ALCAM: variants seen among roughly 807,000 people sequenced by gnomAD.
ALCAM encodes the protein CD166 antigen.
A neutral mutation model predicts 70.9 loss-of-function variants in ALCAM; 30 were observed. That is an observed-to-expected ratio of 0.42 (90% confidence interval 0.32 to 0.57). The LOEUF is 0.57. Ranked by LOEUF, ALCAM falls within the 20% of genes least tolerant of loss-of-function variation. ALCAM has a pLI of 0.11. For missense variants in ALCAM, 591 were observed against 695.1 expected (o/e 0.85, Z 1.68); for synonymous variants, 249 against 242.5 (o/e 1.03, Z -0.25).
chr3:105,552,644 T>C, intron 14 of ALCAM, 59 bp downstream of exon 14: 2 of 1,608,482 alleles, frequency 1.2e-6, no homozygotes, highest in Non-Finnish European at 8.5e-7. Flanking sequence ...GAAAATACAA[T>C]GTGCTAATTT....
At chr3:105,420,274 G>A (rs1936614730) in intron 1 of ALCAM, among the ~76,000 whole-genome samples, 1 of 151,214 alleles carries the variant, frequency 6.6e-6, no homozygotes, top group Non-Finnish European at 1.5e-5. Flanking sequence ...TTAAAAAAAT[G>A]GTCTTCTCAG....
At chr3:105,463,531 T>G (rs1479433269) in intron 1 of ALCAM, among the ~76,000 whole-genome samples, 1 of 151,494 alleles carries the variant, frequency 6.6e-6, no homozygotes, top group African/African-American at 2.4e-5. Context: ...AAAACTTTCT[T>G]GTTAAATTTT....
Position 105,576,813 on chromosome 3 carries a change from C to T in ALCAM, c.*2362C>T, listed in dbSNP as rs886126490. ...GGTTTTGCAAGTTCAAGGTTCACTC[C>T]CTATATGTGATTATAGGAATTGTTT... On this transcript the variant is annotated 3_prime_UTR_variant, in exon 16 of 16. Transcript: ENST00000306107. 6.6e-6 allele frequency: 1 copy of T among 152,114 alleles called. No homozygotes were observed. The highest frequency in any genetic ancestry group is 2.4e-5 in the African/African-American group (1 of 41,426). 9.4% of individuals were successfully genotyped at this position (152,114 alleles called of 1,614,324 possible).
chr3:105,499,662 G>A (rs537973304), intron 1 of ALCAM, among the ~76,000 whole-genome samples: 55 of 152,290 alleles, frequency 3.6e-4, no homozygotes, highest in African/African-American at 1.3e-3. Flanking sequence ...AGAGGTAGCT[G>A]TTTGATGTAA....
intron 1 of ALCAM, among the ~76,000 whole-genome samples, chr3:105,429,733 A>G (rs972012357): frequency 6.6e-6 from 1 of 152,004 alleles, no homozygotes; most frequent in Non-Finnish European, 1.5e-5. Context: ...TTAAAATAGT[A>G]TGCAACTATT....
At chr3:105,372,409 A>G (rs978479108) in intron 1 of ALCAM, among the ~76,000 whole-genome samples, 1 of 152,076 alleles carries the variant, frequency 6.6e-6, no homozygotes, top group Admixed American at 6.6e-5. Flanking sequence ...GCCTAGTTCC[A>G]AATGTGGTAT....
At chr3:105,436,516 A>G in intron 1 of ALCAM, among the ~76,000 whole-genome samples, 1 of 151,840 alleles carries the variant, frequency 6.6e-6, no homozygotes, top group East Asian at 1.9e-4. Context: ...TTTAGTAGAG[A>G]TGGGGTTTCA....
chr3:105,535,922 T>C (rs998387147), intron 6 of ALCAM, among the ~76,000 whole-genome samples: 43 of 152,216 alleles, frequency 2.8e-4, no homozygotes, highest in African/African-American at 9.9e-4. Context: ...CAATATCTTA[T>C]ATGAGAACAA....
At chr3:105,371,770 G>A (rs1423553544) in intron 1 of ALCAM, among the ~76,000 whole-genome samples, 1 of 152,068 alleles carries the variant, frequency 6.6e-6, no homozygotes, top group African/African-American at 2.4e-5. Context: ...ATTCACTCAA[G>A]TAGACACATG....
At position 105,416,037 on chromosome 3, in the gene ALCAM, T is replaced by C. The variant is rs1936499446; in HGVS notation, c.73+48556T>C. Among the ~76,000 whole-genome samples the C allele has an allele frequency of 4.6e-5, 7 of 152,050 alleles. No homozygotes were observed. The South Asian group carries it at 1.0e-3, about 22-fold the overall frequency. On this transcript the variant is annotated intron_variant, in intron 1 of 15. Coordinates refer to ENST00000306107, the MANE Select transcript of ALCAM (RefSeq NM_001627.4). The stretch of plus-strand genomic sequence containing the variant: ...TGCTGGATAAAGCTCTTTGGGGCAG[T>C]CTTGCAACTCTCTCCTTGTCCCCAA...
chr3:105,535,272 A>G (rs1939941029), intron 6 of ALCAM, among the ~76,000 whole-genome samples: 1 of 152,200 alleles, frequency 6.6e-6, no homozygotes, highest in African/African-American at 2.4e-5. Flanking sequence ...TTACTTAACT[A>G]AATTGTGTAT....
intron 3 of ALCAM, among the ~76,000 whole-genome samples, chr3:105,525,573 G>A (rs1211786533): frequency 2.0e-5 from 3 of 151,988 alleles, no homozygotes. Flanking sequence ...AAATAAATAG[G>A]GAAGAAGGAA....
rs116624376 is a variant in ALCAM, at chr3:105,486,647, T to A, written c.74-33420T>A. 8.9e-3 allele frequency among the ~76,000 whole-genome samples: 1,353 copies of A among 152,226 alleles called. 16 individuals are homozygous for A. Among genetic ancestry groups the A allele is most frequent in the African/African-American group, 0.015 (609 of 41,580 alleles). On this transcript the variant is annotated intron_variant, in intron 1 of 15. Coordinates refer to ENST00000306107, the MANE Select transcript of ALCAM (RefSeq NM_001627.4). ...ATGCATCCATTATAATTACACTGGTTTTTTACTATGTAATTTACCACAGAA... is the reference window on the plus strand; with the variant it reads ...ATGCATCCATTATAATTACACTGGTATTTTACTATGTAATTTACCACAGAA...
intron 1 of ALCAM, among the ~76,000 whole-genome samples, chr3:105,433,159 T>G (rs1936975027): frequency 6.6e-6 from 1 of 152,168 alleles, no homozygotes; most frequent in African/African-American, 2.4e-5. Context: ...AGAACTGTTC[T>G]TAGTTTAATT....
At chr3:105,404,780 A>C (rs1936179897) in intron 1 of ALCAM, among the ~76,000 whole-genome samples, 2 of 152,160 alleles carry the variant, frequency 1.3e-5, no homozygotes, top group Non-Finnish European at 2.9e-5. Context: ...TGCTCCACTT[A>C]AAAGATGCAG....
chr3:105,463,592 G>GGAT (rs920623185), intron 1 of ALCAM, among the ~76,000 whole-genome samples: 23 of 151,474 alleles, frequency 1.5e-4, no homozygotes, highest in African/African-American at 5.3e-4. Flanking sequence ...GAGAAAAAGA[G>GGAT]GATTATTCAA....
At chr3:105,573,877 C>T (rs1407215216) in intron 15 of ALCAM, among the ~76,000 whole-genome samples, 1 of 152,148 alleles carries the variant, frequency 6.6e-6, no homozygotes, top group African/African-American at 2.4e-5. Context: ...TAAAAGGATG[C>T]ACACAGGGGA....
chr3:105,520,013 A>C lies in ALCAM; in HGVS notation c.74-54A>C, dbSNP rs2152622761. ...ATTTGTCATTTCAAGAAAGCATTTA[A>C]AATTTTGTTCTCTCTCTCTTTCTCT... On this transcript the variant is annotated intron_variant, in intron 1 of 15. Coordinates refer to ENST00000306107, the MANE Select transcript of ALCAM (RefSeq NM_001627.4). 4.1e-6 allele frequency: 5 copies of C among 1,215,362 alleles called. No homozygotes were observed. The East Asian group carries it at 1.2e-4, about 29-fold the overall frequency. The allele number at this position is 1,215,362 out of a possible 1,614,324, so 75.3% of individuals were successfully genotyped here.
rs188260141 is a variant in ALCAM at position 105,527,914 on chromosome 3, G to C, written c.394+3406G>C. Among the ~76,000 whole-genome samples, 5 of 151,262 alleles carry C rather than the reference G, an allele frequency of 3.3e-5. No individual in the cohort carries two copies. In the South Asian group the frequency reaches 8.4e-4, roughly 25 times the overall value. ...CAACCTAAAAGTAAAATTTTGGGGGGCATTGAGGGGGGAGGAAGCAGAAAA... is the reference window on the plus strand; with the variant it reads ...CAACCTAAAAGTAAAATTTTGGGGGCCATTGAGGGGGGAGGAAGCAGAAAA... On this transcript the variant is annotated intron_variant, in intron 3 of 15. Coordinates refer to ENST00000306107, the MANE Select transcript of ALCAM (RefSeq NM_001627.4).
Sources: allele counts gnomAD v4.1 joint callset (sites outside exome capture counted in the v4.1 genomes callset), GRCh38; gene constraint gnomAD v4.1.1; transcripts MANE v1.5; gene names NCBI Gene and HGNC (gene_info 2026-07-23, HGNC 2026-07-21).